FAM135A: variants seen among roughly 807,000 people sequenced by gnomAD.
The protein encoded by FAM135A is family with sequence similarity 135 member A, also known as protein FAM135A.
Under a neutral mutation model 146.8 loss-of-function variants are expected in FAM135A, and 79 were observed. That is an observed-to-expected ratio of 0.54 (90% CI 0.45 to 0.65). The LOEUF (loss-of-function observed/expected upper bound fraction) is 0.65, where lower values mean the gene tolerates loss of function less well. Ranked by LOEUF, FAM135A falls within the 30% of genes least tolerant of loss-of-function variation. FAM135A has a pLI of 0.00. For synonymous variants in FAM135A, 562 were observed against 603.6 expected, an observed-to-expected ratio of 0.93 and a Z score of 1.01; for missense variants, 1,623 against 1,758.2, an observed-to-expected ratio of 0.92 and a Z score of 1.38.
At chr6:70,529,630 A>C (rs1420938155) in intron 16 of FAM135A, among the ~76,000 whole-genome samples, 2 of 152,106 alleles carry the variant, frequency 1.3e-5, no homozygotes, top group African/African-American at 4.8e-5. Context: ...ATGTTACATA[A>C]ATTGTTCTAG....
intron 2 of FAM135A, chr6:70,417,637 G>C (rs1041425685): frequency 2.0e-6 from 2 of 985,002 alleles, no homozygotes; most frequent in Non-Finnish European, 2.4e-6. Flanking sequence ...GGATGCAGCT[G>C]TTTCATTCAT....
chr6:70,481,134 C>A, intron 9 of FAM135A, 107 bp downstream of exon 9: 1 of 1,036,848 alleles, frequency 9.6e-7, no homozygotes, highest in Non-Finnish European at 1.3e-6. Context: ...TTCAGCTCAG[C>A]AACTTATAGA....
rs138550926 is a variant in FAM135A at position 70,491,198 on chromosome 6, T to TA, written c.873+119dup. ...ATTTATAGTTCCTAAAATGCAAAGATAAAATGGTTGATCATGGTAGAACCA... is the reference window on the plus strand; with the variant it reads ...ATTTATAGTTCCTAAAATGCAAAGATAAAAATGGTTGATCATGGTAGAACCA... On this transcript the variant is annotated intron_variant, in intron 11 of 21. Coordinates refer to ENST00000418814, the MANE Select transcript of FAM135A (RefSeq NM_001162529.3). 6.4e-3 allele frequency: 5,529 copies of TA among 863,458 alleles called. 241 individuals carry two copies. In the African/African-American group the frequency reaches 0.088, roughly 14 times the overall value. 53.5% of individuals were successfully genotyped at this position (863,458 alleles called of 1,614,324 possible). A position where few individuals can be genotyped will look rare whatever the true frequency, so the allele number is the denominator to read the frequency against.
At chr6:70,516,697 G>A (rs1211905790) in intron 12 of FAM135A, among the ~76,000 whole-genome samples, 1 of 151,800 alleles carries the variant, frequency 6.6e-6, no homozygotes, top group Non-Finnish European at 1.5e-5. Context: ...ACCATGCCTG[G>A]CTAATTTTTT....
intron 4 of FAM135A, among the ~76,000 whole-genome samples, chr6:70,431,286 C>T (rs572178748): frequency 3.3e-5 from 5 of 152,276 alleles, no homozygotes; most frequent in African/African-American, 9.6e-5. Flanking sequence ...ATCATCTCAA[C>T]GGTTCTACTG....
At chr6:70,482,950 A>G (rs1043091473) in intron 10 of FAM135A, among the ~76,000 whole-genome samples, 10 of 152,144 alleles carry the variant, frequency 6.6e-5, no homozygotes, top group African/African-American at 2.2e-4. Context: ...AATAAATCAT[A>G]AATTGCCTTT....
intron 4 of FAM135A, among the ~76,000 whole-genome samples, chr6:70,429,620 T>G (rs1200725743): frequency 6.6e-6 from 1 of 152,160 alleles, no homozygotes; most frequent in Non-Finnish European, 1.5e-5. Flanking sequence ...AAGGTTATAT[T>G]TGTGAAAGAC....
Position 70,537,602 on chromosome 6 carries a change from A to C in FAM135A, c.4118-689A>C, listed in dbSNP as rs140040047. On this transcript the variant is annotated intron_variant, in intron 19 of 21. Transcript: ENST00000418814. ...CTTTTTCCCAGATATGTTTCCAGCT[A>C]TCAGTTTTAACCAATTAAAGGATTG... Among the ~76,000 whole-genome samples the C allele has an allele frequency of 3.2e-3, 488 of 152,288 alleles. 3 individuals carry two copies. The highest frequency in any genetic ancestry group is 0.011 in the African/African-American group (467 of 41,564).
intron 2 of FAM135A, among the ~76,000 whole-genome samples, chr6:70,425,514 T>C (rs1207473415): frequency 3.3e-5 from 5 of 152,196 alleles, no homozygotes; most frequent in Non-Finnish European, 7.3e-5. Context: ...AAAGTCTACA[T>C]CTTTATAATG....
At chr6:70,447,522 T>G (rs1167190918) in intron 4 of FAM135A, among the ~76,000 whole-genome samples, 1 of 152,246 alleles carries the variant, frequency 6.6e-6, no homozygotes, top group Non-Finnish European at 1.5e-5. Flanking sequence ...CAGGGGTTCC[T>G]CAGGCAGAAG....
chr6:70,473,525 A>ATG (rs1782015959), intron 5 of FAM135A, among the ~76,000 whole-genome samples: 1 of 152,120 alleles, frequency 6.6e-6, no homozygotes, highest in African/African-American at 2.4e-5. Context: ...TCCTTTCCAT[A>ATG]TGTGTACATC....
intron 4 of FAM135A, among the ~76,000 whole-genome samples, chr6:70,448,938 A>G (rs904249530): frequency 6.6e-6 from 1 of 152,064 alleles, no homozygotes; most frequent in Non-Finnish European, 1.5e-5. Flanking sequence ...TAAACCCACA[A>G]CCTTCCAGCC....
chr6:70,528,533 T>C, intron 16 of FAM135A, 81 bp downstream of exon 16: 2 of 1,274,994 alleles, frequency 1.6e-6, no homozygotes, highest in Non-Finnish European at 2.1e-6. Context: ...TCATTTAGTC[T>C]TTGAACTAAA....
At chr6:70,485,574 A>G (rs956042893) in intron 10 of FAM135A, among the ~76,000 whole-genome samples, 1 of 152,226 alleles carries the variant, frequency 6.6e-6, no homozygotes, top group Admixed American at 6.5e-5. Context: ...TCTTGATTAA[A>G]GAATATTTCC....
intron 5 of FAM135A, among the ~76,000 whole-genome samples, chr6:70,457,398 A>G (rs1173954626): frequency 6.6e-6 from 1 of 152,234 alleles, no homozygotes; most frequent in Non-Finnish European, 1.5e-5. Context: ...TTATTAGGTT[A>G]CACCTAATCT....
chr6:70,493,559 A>G (rs1786535375), intron 11 of FAM135A, among the ~76,000 whole-genome samples: 2 of 152,176 alleles, frequency 1.3e-5, no homozygotes, highest in South Asian at 4.1e-4. Flanking sequence ...AAATTCTCAT[A>G]CCTTGTATGT....
chr6:70,487,936 T>C (rs147168888), intron 10 of FAM135A, among the ~76,000 whole-genome samples: 4 of 152,300 alleles, frequency 2.6e-5, no homozygotes, highest in East Asian at 3.9e-4. Flanking sequence ...GTTAACACTT[T>C]TGTTGAGATA....
intron 8 of FAM135A, among the ~76,000 whole-genome samples, 158 bp downstream of exon 8, chr6:70,477,490 G>A (rs1210464296): frequency 6.6e-6 from 1 of 152,064 alleles, no homozygotes; most frequent in Non-Finnish European, 1.5e-5. Flanking sequence ...CTTCTGGGGA[G>A]GCCTCAGGAA....
chr6:70,508,836 G>A (rs769004464), intron 12 of FAM135A, among the ~76,000 whole-genome samples: 27 of 152,162 alleles, frequency 1.8e-4, no homozygotes, highest in Non-Finnish European at 3.8e-4. Flanking sequence ...TATATCTGGT[G>A]CAACCCTATC....
Sources: gnomAD v4.1 joint callset for allele counts (sites outside exome capture counted in the v4.1 genomes callset) on GRCh38, gnomAD v4.1.1 for gene constraint, MANE v1.5 for transcripts, NCBI Gene and HGNC (gene_info 2026-07-23, HGNC 2026-07-21) for gene names.